KIAA0319: variants seen among roughly 807,000 people sequenced by gnomAD.
The protein encoded by KIAA0319 is KIAA0319, also known as dyslexia-associated protein KIAA0319.
Under a neutral mutation model 108.4 loss-of-function variants are expected in KIAA0319, and 83 were observed. That is an observed-to-expected ratio of 0.77 (90% CI 0.64 to 0.92). KIAA0319 has a LOEUF of 0.92. Among genes scored for constraint, KIAA0319 ranks in the 40% least tolerant of loss-of-function variants. The probability of loss-of-function intolerance (pLI) is 0.00; values close to 1 mark genes in which losing one functional copy is unlikely to be tolerated. For synonymous variants in KIAA0319, 484 were observed against 510.4 expected, an observed-to-expected ratio of 0.95 and a Z score of 0.70; for missense variants, 1,195 against 1,322.4, an observed-to-expected ratio of 0.90 and a Z score of 1.49.
chr6:24,631,972 T>C (rs1274880979), intron 1 of KIAA0319, among the ~76,000 whole-genome samples: 1 of 152,250 alleles, frequency 6.6e-6, no homozygotes, highest in African/African-American at 2.4e-5. Context: ...ATTACTAACC[T>C]TTAGTATCAG....
In KIAA0319 at chr6:24,559,035, C is replaced by A; in HGVS notation, c.2712G>T (p.Lys904Asn). Reference sequence around the variant, plus strand: ...TACCTGCTGTATCAACCCTCAAGACCTTGAAAAGCAAGAAGTCAGCCTTCT... The same window carrying A: ...TACCTGCTGTATCAACCCTCAAGACATTGAAAAGCAAGAAGTCAGCCTTCT... ...SKEKADFLLF[K>N]VLRVDTAGCL... The change falls in exon 17 of 21, where the codon AAG becomes AAT. Residue 904 changes from lysine (K) to asparagine (N), a missense_variant. Transcript: ENST00000378214. 1 of 1,612,334 alleles carries A rather than the reference C, an allele frequency of 6.2e-7. No individual in the cohort carries two copies. The highest frequency in any genetic ancestry group is 8.5e-7 in the Non-Finnish European group (1 of 1,179,382).
At position 24,547,115 on chromosome 6, in the gene KIAA0319, G is replaced by A; in HGVS notation, c.*50C>T. ...TGGGTTTTGTGCTGTAACTCCCACT[G>A]ACTGGTCTTGGATTCAAGGGGTCCT... is the stretch of plus-strand genomic sequence containing the variant. On this transcript the variant is annotated 3_prime_UTR_variant, in exon 21 of 21. Coordinates refer to ENST00000378214, the MANE Select transcript of KIAA0319 (RefSeq NM_014809.4). 1 of 1,583,604 alleles carries A rather than the reference G, an allele frequency of 6.3e-7. No homozygotes were observed.
rs1168735025 is a variant in KIAA0319 at position 24,599,977 on chromosome 6, ACAATT to A, written c.55+1067_55+1071del. On this transcript the variant is annotated intron_variant, in intron 2 of 20. Transcript: ENST00000378214. The surrounding 1 kb of genome is among the most constrained non-coding windows in gnomAD (Gnocchi z 4.1). ...CTTTGCCCATGCCTCCAGCTACAAA[ACAATT>A]CAATTGGTTTTTTTCCAAAATAAAC... 6.6e-6 allele frequency among the ~76,000 whole-genome samples: 1 copy of A among 152,078 alleles called. No homozygotes were observed. The highest frequency in any genetic ancestry group is 2.4e-5 in the African/African-American group (1 of 41,404).
chr6:24,560,928 C>T (rs866971241), intron 16 of KIAA0319, among the ~76,000 whole-genome samples: 6 of 152,184 alleles, frequency 3.9e-5, no homozygotes, highest in Admixed American at 2.0e-4. Flanking sequence ...TATAATTCAA[C>T]CCACGGCAAG....
intron 3 of KIAA0319, 148 bp downstream of exon 3, chr6:24,595,725 T>C: frequency 5.2e-6 from 4 of 773,966 alleles, no homozygotes; most frequent in Non-Finnish European, 6.1e-6. Flanking sequence ...GTCATCTTTC[T>C]TGCCACCACC....
At position 24,556,570 on chromosome 6, in the gene KIAA0319, G is replaced by C. The variant is rs765324071; in HGVS notation, c.2857+37C>G. 3 of 1,604,036 alleles carry C rather than the reference G, an allele frequency of 1.9e-6. No homozygotes were observed. The South Asian group carries it at 3.3e-5, about 18-fold the overall frequency. The stretch of plus-strand genomic sequence containing the variant: ...ATACCTGAGAATGAGCTGCCTTAAG[G>C]CTCCTCACCCAAAGCCTCCTCTATA... On this transcript the variant is annotated intron_variant, in intron 18 of 20. Coordinates refer to ENST00000378214, the MANE Select transcript of KIAA0319 (RefSeq NM_014809.4).
Position 24,584,395 on chromosome 6 carries a change from A to G in KIAA0319, c.995-693T>C, listed in dbSNP as rs140073701. On this transcript the variant is annotated intron_variant, in intron 4 of 20. Coordinates refer to ENST00000378214, the MANE Select transcript of KIAA0319 (RefSeq NM_014809.4). ...AGTTTCACTTGTAAAATATATTGCG[A>G]TATGTCCAGATACTACACAGAGAAA... Among the ~76,000 whole-genome samples the G allele has an allele frequency of 3.5e-3, 524 of 148,100 alleles. 1 individual carries two copies. The highest frequency in any genetic ancestry group is 0.012 in the African/African-American group (483 of 40,094).
Position 24,549,282 on chromosome 6 carries a change from C to T in KIAA0319, c.3041-1939G>A, listed in dbSNP as rs138282205. Among the ~76,000 whole-genome samples the T allele has an allele frequency of 2.9e-3, 426 of 145,406 alleles. 4 individuals carry two copies. Among genetic ancestry groups the T allele is most frequent in the African/African-American group, 0.01 (406 of 38,798 alleles). On this transcript the variant is annotated intron_variant, in intron 20 of 20. Transcript: ENST00000378214. ...CAGAGGTTGCAGTGAGCTGAGATTG[C>T]ACCACTGCATTCCAGTCTGGGGGAT...
chr6:24,595,811 C>T, intron 3 of KIAA0319, 62 bp downstream of exon 3: 1 of 1,507,892 alleles, frequency 6.6e-7, no homozygotes, highest in Non-Finnish European at 8.9e-7. Context: ...GAAACTCAGC[C>T]CCTCCTACGG....
At chr6:24,584,552 T>C (rs1422807770) in intron 4 of KIAA0319, among the ~76,000 whole-genome samples, 1 of 151,066 alleles carries the variant, frequency 6.6e-6, no homozygotes, top group Non-Finnish European at 1.5e-5. Context: ...CTCGAGTGCC[T>C]CCTAGATCAG....
intron 1 of KIAA0319, among the ~76,000 whole-genome samples, chr6:24,607,376 AAAAG>A (rs770041722): frequency 6.6e-6 from 1 of 152,084 alleles, no homozygotes; most frequent in Non-Finnish European, 1.5e-5. Context: ...AAAGAAAAAG[AAAAG>A]AAAGAAAGCC....
chr6:24,560,677 T>C (rs978715221), intron 16 of KIAA0319, among the ~76,000 whole-genome samples: 7 of 152,218 alleles, frequency 4.6e-5, no homozygotes, highest in Non-Finnish European at 8.8e-5. Flanking sequence ...CCTTGGCTTG[T>C]GGAAGAATCT....
At position 24,623,071 on chromosome 6, in the gene KIAA0319, G is replaced by A. The variant is rs559498002; in HGVS notation, c.-105-21863C>T. Among the ~76,000 whole-genome samples the A allele has an allele frequency of 9.9e-5, 15 of 152,048 alleles. No homozygotes were observed. In the South Asian group the frequency reaches 3.1e-3, roughly 32 times the overall value. Reference sequence around the variant, plus strand: ...GAAAAAAAAAAGAGAGAGAGAGAGAGATTAAGTCACTTGCTCAGACAGCTA... The same window carrying A: ...GAAAAAAAAAAGAGAGAGAGAGAGAAATTAAGTCACTTGCTCAGACAGCTA... On this transcript the variant is annotated intron_variant, in intron 1 of 20. Transcript: ENST00000378214.
chr6:24,641,858 C>T (rs1388221715), intron 1 of KIAA0319, among the ~76,000 whole-genome samples: 1 of 151,818 alleles, frequency 6.6e-6, no homozygotes. Flanking sequence ...ATGGCAAGAT[C>T]TTGTCTCTAT....
chr6:24,574,717 A>C (rs1267840046), intron 10 of KIAA0319, among the ~76,000 whole-genome samples: 3 of 152,214 alleles, frequency 2.0e-5, no homozygotes, highest in African/African-American at 7.2e-5. Flanking sequence ...TTAATGGAAA[A>C]TTTAAAAAGA....
chr6:24,619,524 G>A (rs533713875), intron 1 of KIAA0319, among the ~76,000 whole-genome samples: 1 of 152,216 alleles, frequency 6.6e-6, no homozygotes, highest in South Asian at 2.1e-4. Flanking sequence ...ATAGGCCACA[G>A]GATAAATACG....
chr6:24,551,219 T>C (rs1761443584), intron 20 of KIAA0319, among the ~76,000 whole-genome samples: 1 of 151,820 alleles, frequency 6.6e-6, no homozygotes, highest in Non-Finnish European at 1.5e-5. Context: ...ACTACTGAGC[T>C]CAGGCGCCTT....
In KIAA0319 at chr6:24,602,743, G is replaced by A. The variant is rs1770830465; in HGVS notation, c.-105-1535C>T. Reference sequence around the variant, plus strand: ...GTGAATCCGGGAGGCGGAGCTTGCAGTGAGCCGAGATCACGCCACTGCACT... The same window carrying A: ...GTGAATCCGGGAGGCGGAGCTTGCAATGAGCCGAGATCACGCCACTGCACT... On this transcript the variant is annotated intron_variant, in intron 1 of 20. Coordinates refer to ENST00000378214, the MANE Select transcript of KIAA0319 (RefSeq NM_014809.4). Among the ~76,000 whole-genome samples the A allele has an allele frequency of 2.6e-5, 4 of 152,298 alleles. No individual in the cohort carries two copies. In the South Asian group the frequency reaches 8.3e-4, roughly 32 times the overall value.
chr6:24,628,873 C>G (rs998553907), intron 1 of KIAA0319, among the ~76,000 whole-genome samples: 1 of 152,080 alleles, frequency 6.6e-6, no homozygotes, highest in Non-Finnish European at 1.5e-5. Context: ...GGGCACCAGT[C>G]GCAGTGGATA....
Sources: gnomAD v4.1 joint callset for allele counts (sites outside exome capture counted in the v4.1 genomes callset) on GRCh38, gnomAD v4.1.1 for gene constraint, Gnocchi (gnomAD v3.1) non-coding constraint, MANE v1.5 for transcripts, NCBI Gene and HGNC (gene_info 2026-07-23, HGNC 2026-07-21) for gene names.